MGAT4C: variants seen among roughly 807,000 people sequenced by gnomAD.
MGAT4C encodes the protein MGAT4 family member C.
MGAT4C carries 19 observed loss-of-function variants against 40.1 expected under a neutral mutation model. The ratio of observed to expected loss-of-function variants is 0.47; its 90% CI spans 0.33 to 0.70. MGAT4C has a LOEUF of 0.70. Among genes scored for constraint, MGAT4C ranks in the 30% least tolerant of loss-of-function variants. MGAT4C has a pLI of 0.02. For synonymous variants in MGAT4C, 181 were observed against 187.1 expected, an observed-to-expected ratio of 0.97 and a Z score of 0.27; for missense variants, 491 against 563.2, an observed-to-expected ratio of 0.87 and a Z score of 1.30.
At chr12:86,568,934 G>T (rs1960245032) in intron 2 of MGAT4C, among the ~76,000 whole-genome samples, 1 of 151,368 alleles carries the variant, frequency 6.6e-6, no homozygotes, top group South Asian at 2.1e-4. Flanking sequence ...AGCTCAAAAT[G>T]AATTAAAAAC....
intron 1 of MGAT4C, among the ~76,000 whole-genome samples, chr12:86,097,800 G>C (rs560376005): frequency 5.0e-4 from 76 of 151,586 alleles, no homozygotes; most frequent in African/African-American, 1.8e-3. Flanking sequence ...ACAATGGAAA[G>C]CCCCACGTAC....
intron 2 of MGAT4C, among the ~76,000 whole-genome samples, chr12:86,554,060 C>A (rs944242987): frequency 6.6e-6 from 1 of 151,724 alleles, no homozygotes; most frequent in African/African-American, 2.4e-5. Flanking sequence ...AGTTTTCAAC[C>A]TCTCTTTACC....
intron 2 of MGAT4C, among the ~76,000 whole-genome samples, chr12:86,618,583 T>A (rs959864893): frequency 2.6e-5 from 4 of 152,084 alleles, no homozygotes; most frequent in Non-Finnish European, 4.4e-5. Context: ...AACAGAAAGA[T>A]AAATATATCA....
chr12:86,705,220 ATC>A (rs1389386748), intron 2 of MGAT4C, among the ~76,000 whole-genome samples: 1 of 14,050 alleles, frequency 7.1e-5, no homozygotes, highest in African/African-American at 3.5e-4. Flanking sequence ...TATTATCTCT[ATC>A]TATCTATCTA....
At chr12:86,728,209 C>T (rs1344442457) in intron 1 of MGAT4C, among the ~76,000 whole-genome samples, 1 of 152,110 alleles carries the variant, frequency 6.6e-6, no homozygotes, top group Admixed American at 6.5e-5. Context: ...ATTAATAACT[C>T]TTGTTATGAA....
At chr12:86,768,942 C>G (rs1375359964) in intron 1 of MGAT4C, among the ~76,000 whole-genome samples, 4 of 152,066 alleles carry the variant, frequency 2.6e-5, no homozygotes, top group East Asian at 1.9e-4. Context: ...CATTACCATG[C>G]AGGACATAGG....
intron 2 of MGAT4C, among the ~76,000 whole-genome samples, chr12:86,025,814 C>T (rs750076125): frequency 1.9e-4 from 29 of 151,450 alleles, no homozygotes; most frequent in South Asian, 2.1e-4. Flanking sequence ...ACTATTGGGA[C>T]GAGGTGTATC....
chr12:86,737,566 C>T (rs373323225), intron 1 of MGAT4C, among the ~76,000 whole-genome samples: 8 of 151,156 alleles, frequency 5.3e-5, no homozygotes, highest in African/African-American at 1.9e-4. Flanking sequence ...ATGCCAGTAC[C>T]GATGCCTTTC....
chr12:86,759,674 T>A (rs755897844), intron 1 of MGAT4C, among the ~76,000 whole-genome samples: 3 of 152,176 alleles, frequency 2.0e-5, no homozygotes, highest in Non-Finnish European at 4.4e-5. Flanking sequence ...TGGCCATGTG[T>A]ATTTCTTCTT....
intron 1 of MGAT4C, among the ~76,000 whole-genome samples, chr12:86,794,008 A>G (rs1952069987): frequency 6.6e-6 from 1 of 151,992 alleles, no homozygotes. Flanking sequence ...TAATATTTTT[A>G]TACAAATACA....
At chr12:86,423,769 G>A (rs1311935441) in intron 3 of MGAT4C, among the ~76,000 whole-genome samples, 1 of 152,146 alleles carries the variant, frequency 6.6e-6, no homozygotes. Flanking sequence ...TGTCTTGCCT[G>A]TAATGAACTA....
At chr12:86,749,209 T>G (rs1951197909) in intron 1 of MGAT4C, among the ~76,000 whole-genome samples, 1 of 151,720 alleles carries the variant, frequency 6.6e-6, no homozygotes, top group Admixed American at 6.6e-5. Flanking sequence ...TAACTTTCCA[T>G]TCTTCTAAAC....
intron 1 of MGAT4C, among the ~76,000 whole-genome samples, chr12:86,176,330 C>T (rs1285207650): frequency 1.3e-5 from 2 of 152,156 alleles, no homozygotes; most frequent in African/African-American, 4.8e-5. Flanking sequence ...ACCTGGGTTA[C>T]TGATAATCCA....
chr12:86,709,667 G>A (rs1004757468), intron 2 of MGAT4C, among the ~76,000 whole-genome samples: 5 of 151,964 alleles, frequency 3.3e-5, no homozygotes, highest in Non-Finnish European at 7.4e-5. Context: ...CCCCACCTTG[G>A]CCTCTCAAAG....
chr12:86,115,490 T>G (rs952282279), intron 1 of MGAT4C, among the ~76,000 whole-genome samples: 1 of 152,034 alleles, frequency 6.6e-6, no homozygotes, highest in Non-Finnish European at 1.5e-5. Context: ...AGTATTTTCA[T>G]TTGTATGAAA....
At chr12:86,166,344 A>ACAACAAT (rs1352228815) in intron 1 of MGAT4C, among the ~76,000 whole-genome samples, 1 of 152,142 alleles carries the variant, frequency 6.6e-6, no homozygotes, top group Admixed American at 6.5e-5. Context: ...AAACAAACAA[A>ACAACAAT]CAACAACAAC....
At chr12:86,447,598 G>A (rs56215235) in intron 2 of MGAT4C, among the ~76,000 whole-genome samples, 1 of 151,862 alleles carries the variant, frequency 6.6e-6, no homozygotes, top group Non-Finnish European at 1.5e-5. Context: ...ATAAGTTAGA[G>A]AGTAAAATAA....
At chr12:86,068,158 T>C (rs966071421) in intron 1 of MGAT4C, 3 of 152,202 alleles carry the variant, frequency 2.0e-5, no homozygotes, top group African/African-American at 7.2e-5. Flanking sequence ...CAAACATATA[T>C]CACACATTTT....
At chr12:86,623,744 A>G (rs1962712988) in intron 2 of MGAT4C, among the ~76,000 whole-genome samples, 1 of 152,356 alleles carries the variant, frequency 6.6e-6, no homozygotes, top group South Asian at 2.1e-4. Context: ...GAACTCTAAA[A>G]GTTAACACCA....
Sources: gnomAD v4.1 joint callset for allele counts (sites outside exome capture counted in the v4.1 genomes callset) on GRCh38, gnomAD v4.1.1 for gene constraint, MANE v1.5 for transcripts, NCBI Gene and HGNC (gene_info 2026-07-23, HGNC 2026-07-21) for gene names.